The following PML variants were observed in gnomAD, a reference collection of about 807,000 sequenced individuals.
The protein encoded by PML is PML nuclear body scaffold, also known as protein PML.
Under a neutral mutation model 65.2 loss-of-function variants are expected in PML, and 28 were observed. The observed-to-expected ratio is 0.43, with a 90% confidence interval of 0.32 to 0.59. PML has a LOEUF of 0.59. Ranked by LOEUF, PML falls within the 20% of genes least tolerant of loss-of-function variation. The pLI is 0.08. For synonymous variants in PML, 500 were observed against 508.8 expected, an observed-to-expected ratio of 0.98 and a Z score of 0.23; for missense variants, 1,021 against 1,203.4, an observed-to-expected ratio of 0.85 and a Z score of 2.24.
At chr15:74,031,535 G>T (rs2071324822) in intron 4 of PML, among the ~76,000 whole-genome samples, 1 of 152,128 alleles carries the variant, frequency 6.6e-6, no homozygotes, top group Non-Finnish European at 1.5e-5. Flanking sequence ...CCATCACGTG[G>T]CTATACCACA....
chr15:74,035,781 G>T lies in PML; in HGVS notation c.1710+1251G>T, dbSNP rs564420390. On this transcript the variant is annotated intron_variant, in intron 7 of 8. Transcript: ENST00000268058. The surrounding 1 kb of genome is among the most constrained non-coding windows in gnomAD (Gnocchi z 4.1). ...CGTGGTGGGGGCAGGGGAAAGCAGA[G>T]CCCAGACTCTTGGAGCAGGTGTTCC... 1.9e-6 allele frequency: 3 copies of T among 1,614,118 alleles called. No individual in the cohort carries two copies. In the East Asian group the frequency reaches 6.7e-5, roughly 36 times the overall value.
chr15:74,017,780 C>T (rs548065910), intron 2 of PML, among the ~76,000 whole-genome samples: 1 of 152,280 alleles, frequency 6.6e-6, no homozygotes, highest in East Asian at 1.9e-4. Context: ...GAACTAGTAC[C>T]ATATTCTCTT....
intron 7 of PML, chr15:74,036,274 C>G (rs1018388792): frequency 9.5e-6 from 14 of 1,477,370 alleles, no homozygotes; most frequent in Non-Finnish European, 3.6e-6. Context: ...TTCCATGCCC[C>G]GACCCCCACC....
chr15:74,035,210 G>A lies in PML; in HGVS notation c.1710+680G>A, dbSNP rs761477583. The A allele has an allele frequency of 5.3e-6, 8 of 1,496,444 alleles. No individual in the cohort carries two copies. The highest frequency in any genetic ancestry group is 4.5e-5 in the South Asian group (4 of 88,592). The allele number at this position is 1,496,444 out of a possible 1,614,324, so 92.7% of individuals were successfully genotyped here. A position where few individuals can be genotyped will look rare whatever the true frequency, so the allele number is the denominator to read the frequency against. ...TGGAGACCGCCGAGCCACAGTCCTC[G>A]CCAGCCCACTCCTCGCCAGCCCACT... On this transcript the variant is annotated intron_variant, in intron 7 of 8. Transcript: ENST00000268058. This position sits in a 1 kb window ranked among gnomAD's most constrained non-coding sequence, Gnocchi z 4.1.
intron 2 of PML, among the ~76,000 whole-genome samples, chr15:74,004,136 G>T (rs1595881870): frequency 6.6e-6 from 1 of 152,062 alleles, no homozygotes; most frequent in African/African-American, 2.4e-5. Context: ...TAGAGATGGG[G>T]TCTCACTCTG....
intron 2 of PML, among the ~76,000 whole-genome samples, chr15:74,011,719 A>G (rs535387270): frequency 7.9e-5 from 12 of 152,344 alleles, no homozygotes; most frequent in East Asian, 1.9e-4. Flanking sequence ...TTCCTGTGCT[A>G]TTCTCCTAAC....
At chr15:74,034,940 G>A in intron 7 of PML, 1 of 1,457,202 alleles carries the variant, frequency 6.9e-7, no homozygotes, top group Non-Finnish European at 9.0e-7. Context: ...CAGCTATATA[G>A]GGGCCAAACA....
At chr15:74,022,352 G>A (rs1322806552) in intron 2 of PML, among the ~76,000 whole-genome samples, 2 of 152,172 alleles carry the variant, frequency 1.3e-5, no homozygotes, top group Non-Finnish European at 2.9e-5. Flanking sequence ...TTCTTCCTCT[G>A]GGAAATATGT....
At chr15:74,022,275 T>G (rs1244314443) in intron 2 of PML, among the ~76,000 whole-genome samples, 1 of 152,246 alleles carries the variant, frequency 6.6e-6, no homozygotes, top group East Asian at 1.9e-4. Flanking sequence ...TCTTTCTTTT[T>G]TTTTGAACAA....
chr15:74,029,021 T>C (rs568989729), intron 4 of PML, among the ~76,000 whole-genome samples: 3 of 152,324 alleles, frequency 2.0e-5, no homozygotes, highest in Non-Finnish European at 4.4e-5. Flanking sequence ...TACTCAGAAG[T>C]GGGATCGCTG....
rs565178448 is a variant in PML, at chr15:74,045,219, G to A, written c.*211G>A. 4 of 577,938 alleles carry A rather than the reference G, an allele frequency of 6.9e-6. No homozygotes were observed. Among genetic ancestry groups the A allele is most frequent in the Admixed American group, 6.3e-5 (2 of 31,894 alleles). 35.8% of individuals were successfully genotyped at this position (577,938 alleles called of 1,614,324 possible). On this transcript the variant is annotated 3_prime_UTR_variant, in exon 9 of 9. Coordinates refer to ENST00000268058, the MANE Select transcript of PML (RefSeq NM_033238.3). ...CAAAGCTGAGCACCCATCACCCTAG[G>A]TGTGCACCAGACTCCTATTAGCCCC...
At chr15:74,015,150 C>T (rs951497426) in intron 2 of PML, among the ~76,000 whole-genome samples, 1 of 152,232 alleles carries the variant, frequency 6.6e-6, no homozygotes, top group African/African-American at 2.4e-5. Context: ...CTCTCCAACA[C>T]TACCTTCTCA....
intron 4 of PML, chr15:74,025,208 T>C (rs983212907): frequency 2.1e-6 from 1 of 485,074 alleles, no homozygotes; most frequent in Non-Finnish European, 3.8e-6. Flanking sequence ...CGGCCACAGA[T>C]CAGGGCTGCT....
intron 7 of PML, chr15:74,034,930 C>T: frequency 2.1e-6 from 3 of 1,445,652 alleles, no homozygotes; most frequent in Non-Finnish European, 2.7e-6. Flanking sequence ...GGCCACAGGG[C>T]AGCTATATAG....
At chr15:74,016,331 G>A (rs192317423) in intron 2 of PML, among the ~76,000 whole-genome samples, 1 of 151,960 alleles carries the variant, frequency 6.6e-6, no homozygotes, top group Admixed American at 6.6e-5. Flanking sequence ...TACTCAGGAG[G>A]CTGAGGTGAG....
chr15:74,014,622 C>G (rs1003273294), intron 2 of PML, among the ~76,000 whole-genome samples: 19 of 151,398 alleles, frequency 1.3e-4, no homozygotes, highest in Non-Finnish European at 2.4e-4. Context: ...ATTAGCTGGG[C>G]GTGGTGGCGG....
rs1241415722 is a variant in PML, at chr15:74,023,690, G to A, written c.1183+282G>A. 2.6e-5 allele frequency among the ~76,000 whole-genome samples: 4 copies of A among 152,304 alleles called. No individual in the cohort carries two copies. The East Asian group carries it at 7.7e-4, about 29-fold the overall frequency. On this transcript the variant is annotated intron_variant, in intron 3 of 8. Transcript: ENST00000268058. ...GGGAACACGTGAAAGTTGAAAAACT[G>A]CAAAGCTGAGAATCAGACCCAGTAT...
chr15:74,032,897 A>G (rs2071385724), intron 5 of PML, among the ~76,000 whole-genome samples, 182 bp downstream of exon 5: 1 of 152,156 alleles, frequency 6.6e-6, no homozygotes, highest in South Asian at 2.1e-4. Context: ...AGCTTCCCAT[A>G]AGCATGGCCC....
rs943076984 is a variant in PML at position 74,016,045 on chromosome 15, G to A, written c.603-6783G>A. ...TGTAATCCCAGCAATTTGGGAGGCC[G>A]AGGTGGGCAGATCACGAGGTCAAGA... On this transcript the variant is annotated intron_variant, in intron 2 of 8. Transcript: ENST00000268058. Among the ~76,000 whole-genome samples, 7 of 152,146 alleles carry A rather than the reference G, an allele frequency of 4.6e-5. No individual in the cohort carries two copies. The East Asian group carries it at 5.8e-4, about 13-fold the overall frequency.
Sources: allele counts gnomAD v4.1 joint callset (sites outside exome capture counted in the v4.1 genomes callset), GRCh38; gene constraint gnomAD v4.1.1; non-coding constraint Gnocchi (gnomAD v3.1); transcripts MANE v1.5; gene names NCBI Gene and HGNC (gene_info 2026-07-23, HGNC 2026-07-21).